RNF169: variants seen among roughly 807,000 people sequenced by gnomAD.
The protein encoded by RNF169 is E3 ubiquitin-protein ligase RNF169.
Under a neutral mutation model 53.9 loss-of-function variants are expected in RNF169, and 24 were observed. That is an observed-to-expected ratio of 0.45 (90% confidence interval 0.32 to 0.63). The LOEUF is 0.63. Ranked by LOEUF, RNF169 falls within the 20% of genes least tolerant of loss-of-function variation. The pLI is 0.04. For missense variants in RNF169, 883 were observed against 906.2 expected (o/e 0.97, Z 0.33); for synonymous variants, 396 against 363.5 (o/e 1.09, Z -1.02).
intron 3 of RNF169, among the ~76,000 whole-genome samples, chr11:74,810,905 C>T (rs1387723246): frequency 3.3e-5 from 5 of 152,114 alleles, no homozygotes; most frequent in African/African-American, 1.2e-4. Flanking sequence ...TTTGGAGGAT[C>T]CACTAATTAT....
At chr11:74,803,912 A>G (rs1261859735) in intron 2 of RNF169, among the ~76,000 whole-genome samples, 1 of 152,260 alleles carries the variant, frequency 6.6e-6, no homozygotes. Flanking sequence ...CATGAAGAGA[A>G]TTTAAGAATA....
rs1385299358 is a variant in RNF169, at chr11:74,789,680, A to G, written c.557A>G (p.Glu186Gly). ...KLSKPGELRE[E>G]YESLRKLREE... ...AGCAAGCCTGGGGAACTTCGTGAGG[A>G]ATATGAAAGCTTGAGAAAGGTATAG... Residue 186 changes from glutamate (E) to glycine (G), a missense_variant, in exon 2 of 6, where the codon GAA (glutamate) becomes GGA (glycine). Glu to Gly is a moderately conservative substitution (Grantham distance 98). Around this residue, in one of 3 missense-constraint regions of RNF169, gnomAD observed 313 missense variants for 279.9 expected, o/e 1.12. Transcript: ENST00000299563. 3.7e-6 allele frequency: 6 copies of G among 1,603,070 alleles called. No homozygotes were observed. The highest frequency in any genetic ancestry group is 4.3e-6 in the Non-Finnish European group (5 of 1,170,486).
chr11:74,779,498 A>G (rs1295353782), intron 1 of RNF169, among the ~76,000 whole-genome samples: 1 of 152,174 alleles, frequency 6.6e-6, no homozygotes, highest in African/African-American at 2.4e-5. Flanking sequence ...GGGTAGGTGA[A>G]AATTGCATTT....
intron 1 of RNF169, among the ~76,000 whole-genome samples, chr11:74,762,311 A>G (rs1191842478): frequency 3.3e-5 from 5 of 151,708 alleles, no homozygotes; most frequent in Non-Finnish European, 4.4e-5. Context: ...GCTCGTCAAA[A>G]TCATTCTCCA....
At chr11:74,809,823 CTCT>C (rs142072317) in intron 2 of RNF169, among the ~76,000 whole-genome samples, 159 of 152,372 alleles carry the variant, frequency 1.0e-3, no homozygotes, top group Non-Finnish European at 2.0e-3. Flanking sequence ...GCCATCTCTG[CTCT>C]TCTTCTAGTC....
intron 4 of RNF169, among the ~76,000 whole-genome samples, chr11:74,821,924 C>A (rs1205802797): frequency 1.3e-5 from 2 of 152,080 alleles, no homozygotes; most frequent in East Asian, 3.9e-4. Context: ...AGGCAGATAA[C>A]CCAGAGTGTA....
intron 4 of RNF169, among the ~76,000 whole-genome samples, chr11:74,826,556 C>T (rs779056506): frequency 2.0e-5 from 3 of 152,218 alleles, no homozygotes; most frequent in Non-Finnish European, 2.9e-5. Flanking sequence ...AAAACACAAT[C>T]AAGCCTTTCC....
intron 5 of RNF169, among the ~76,000 whole-genome samples, chr11:74,835,300 G>A (rs1279955320): frequency 6.6e-6 from 1 of 152,104 alleles, no homozygotes; most frequent in Non-Finnish European, 1.5e-5. Context: ...CTTTTTTAAA[G>A]CTTTAGATAA....
At chr11:74,799,972 T>C (rs2035706702) in intron 2 of RNF169, among the ~76,000 whole-genome samples, 2 of 150,292 alleles carry the variant, frequency 1.3e-5, no homozygotes, top group Admixed American at 6.7e-5. Flanking sequence ...AAATTTAGCA[T>C]CTCGTATGAA....
rs758373422 is a variant in RNF169 at position 74,749,353 on chromosome 11, A to G, written c.473A>G (p.Gln158Arg). The G allele has an allele frequency of 1.6e-6, 2 of 1,228,926 alleles. No individual in the cohort carries two copies. Among genetic ancestry groups the G allele is most frequent in the Non-Finnish European group, 2.0e-6 (2 of 983,286 alleles). The allele number at this position is 1,228,926 out of a possible 1,614,324, so 76.1% of individuals were successfully genotyped here. Reference protein sequence around the residue: ...GAAAAGPRPEQEPRAAPAEPD... With the variant: ...GAAAAGPRPEREPRAAPAEPD... ...GCTGCCGCGGGGCCCAGGCCAGAGC[A>G]GGAGCCGCGTGCCGCGCCTGCGGAG... is the stretch of plus-strand genomic sequence containing the variant. Residue 158 changes from glutamine (Q) to arginine (R), a missense_variant, in exon 1 of 6, where the codon CAG becomes CGG. Around this residue, in one of 3 missense-constraint regions of RNF169, gnomAD observed 313 missense variants for 279.9 expected, o/e 1.12. Transcript: ENST00000299563.
chr11:74,785,153 ATT>A (rs2035470790), intron 1 of RNF169, among the ~76,000 whole-genome samples: 4 of 134,316 alleles, frequency 3.0e-5, no homozygotes, highest in East Asian at 2.0e-4. Flanking sequence ...TTCAACATGT[ATT>A]TTTATATATA....
At position 74,777,918 on chromosome 11, in the gene RNF169, C is replaced by A. The variant is rs573500390; in HGVS notation, c.503-11708C>A. 3.3e-5 allele frequency among the ~76,000 whole-genome samples: 5 copies of A among 152,278 alleles called. No individual in the cohort carries two copies. In the East Asian group the frequency reaches 7.7e-4, roughly 24 times the overall value. The stretch of plus-strand genomic sequence containing the variant: ...ATGGGATTACAGGCAGGAGCTACCA[C>A]GTCCAGCCTCAACTGTCTTAATTTG... On this transcript the variant is annotated intron_variant, in intron 1 of 5. Coordinates refer to ENST00000299563, the MANE Select transcript of RNF169 (RefSeq NM_001098638.2).
rs572298329 is a variant in RNF169 at position 74,763,731 on chromosome 11, G to GA, written c.502+14358dup. Reference sequence around the variant, plus strand: ...CCAACATGTAATGGTACTTCCAGGAGAAAAAAAAATGTGGAGGAGATGTGG... The same window carrying GA: ...CCAACATGTAATGGTACTTCCAGGAGAAAAAAAAAATGTGGAGGAGATGTGG... On this transcript the variant is annotated intron_variant, in intron 1 of 5. Coordinates refer to ENST00000299563, the MANE Select transcript of RNF169 (RefSeq NM_001098638.2). Among the ~76,000 whole-genome samples the GA allele has an allele frequency of 2.5e-4, 38 of 151,372 alleles. No homozygotes were observed. In the East Asian group the frequency reaches 5.2e-3, roughly 21 times the overall value.
intron 1 of RNF169, among the ~76,000 whole-genome samples, chr11:74,779,919 C>T (rs546103370): frequency 6.6e-6 from 1 of 152,232 alleles, no homozygotes; most frequent in African/African-American, 2.4e-5. Flanking sequence ...TTGCAGTCCT[C>T]CCACTCTAGC....
chr11:74,823,611 C>T (rs1422851171), intron 4 of RNF169, among the ~76,000 whole-genome samples: 1 of 151,904 alleles, frequency 6.6e-6, no homozygotes, highest in Non-Finnish European at 1.5e-5. Context: ...GTGATACATG[C>T]CTTTGGTTCC....
intron 2 of RNF169, chr11:74,808,095 G>A (rs377547143): frequency 6.6e-6 from 1 of 152,294 alleles, no homozygotes; most frequent in East Asian, 1.9e-4. Flanking sequence ...GCCGGGCATA[G>A]TGGTTGACTC....
At chr11:74,795,938 C>G (rs1174083818) in intron 2 of RNF169, among the ~76,000 whole-genome samples, 2 of 152,288 alleles carry the variant, frequency 1.3e-5, no homozygotes, top group East Asian at 3.9e-4. Context: ...TCAACTTACT[C>G]TCTCGACAAC....
chr11:74,791,147 C>G (rs924737871), intron 2 of RNF169, among the ~76,000 whole-genome samples: 1 of 152,170 alleles, frequency 6.6e-6, no homozygotes. Context: ...GACATCTACT[C>G]AGCTCTCAGC....
Position 74,841,948 on chromosome 11 carries a change from G to A in RNF169, c.*5218G>A, listed in dbSNP as rs911112803. ...TGAGCCTCCAGCAGAGCACTTAAAA[G>A]TCCTAGTGAGAGAATAGATACTATG... On this transcript the variant is annotated 3_prime_UTR_variant, in exon 6 of 6. Transcript: ENST00000299563. 3 of 152,030 alleles carry A rather than the reference G, an allele frequency of 2.0e-5. No homozygotes were observed. The highest frequency in any genetic ancestry group is 7.3e-5 in the African/African-American group (3 of 41,378). The allele number at this position is 152,030 out of a possible 1,614,324, so 9.4% of individuals were successfully genotyped here.
Sources: gnomAD v4.1 joint callset for allele counts (sites outside exome capture counted in the v4.1 genomes callset) on GRCh38, gnomAD v4.1.1 for gene constraint, gnomAD v4.1.1 regional missense constraint, MANE v1.5 for transcripts, NCBI Gene and HGNC (gene_info 2026-07-23, HGNC 2026-07-21) for gene names.